ELP4: variants seen among roughly 807,000 people sequenced by gnomAD.
ELP4 encodes the protein elongator acetyltransferase complex subunit 4.
ELP4 carries 51 observed loss-of-function variants against 48.9 expected under a neutral mutation model. That is an observed-to-expected ratio of 1.04 (90% CI 0.83 to 1.32). The LOEUF is 1.32. ELP4 is among the 40% of genes most tolerant of loss of function. The pLI is 0.00. For missense variants in ELP4, 519 were observed against 514.6 expected (o/e 1.01, Z -0.08); for synonymous variants, 210 against 189.2 (o/e 1.11, Z -0.90).
intron 3 of ELP4, among the ~76,000 whole-genome samples, chr11:31,568,445 T>C (rs1554961043): frequency 6.6e-6 from 1 of 152,140 alleles, no homozygotes; most frequent in Non-Finnish European, 1.5e-5. Flanking sequence ...TATTCTGAAA[T>C]GTATATGGAA....
chr11:31,776,185 A>T lies in ELP4; in HGVS notation c.1144-7208A>T, dbSNP rs781422383. Reference sequence around the variant, plus strand: ...AAAAAAAAAAAAAAAAGAGTATGGGATCTAGAAGCACATCTCCCTTAGCCC... The same window carrying T: ...AAAAAAAAAAAAAAAAGAGTATGGGTTCTAGAAGCACATCTCCCTTAGCCC... On this transcript the variant is annotated intron_variant, in intron 9 of 9. Transcript: ENST00000640961. Among the ~76,000 whole-genome samples the T allele has an allele frequency of 7.9e-4, 115 of 144,820 alleles. 1 individual carries two copies. Among genetic ancestry groups the T allele is most frequent in the Non-Finnish European group, 1.4e-3 (96 of 66,438 alleles).
chr11:31,668,485 A>G (rs868532644), intron 9 of ELP4, among the ~76,000 whole-genome samples: 5 of 151,046 alleles, frequency 3.3e-5, no homozygotes, highest in African/African-American at 1.2e-4. Flanking sequence ...ATGTGTTGTA[A>G]TTCTTTTTTT....
rs773196640 is a variant in ELP4 at position 31,591,323 on chromosome 11, A to G, written c.382-3447A>G. 2.7e-5 allele frequency among the ~76,000 whole-genome samples: 4 copies of G among 145,646 alleles called. No homozygotes were observed. The East Asian group carries it at 8.6e-4, about 31-fold the overall frequency. ...CAGGAGGCTGAGGCAAGAGAATGGC[A>G]TGAACCCGAGAGGTGGAGCTTGCAG... On this transcript the variant is annotated intron_variant, in intron 3 of 9. Coordinates refer to ENST00000640961, the MANE Select transcript of ELP4 (RefSeq NM_019040.5).
intron 9 of ELP4, among the ~76,000 whole-genome samples, chr11:31,775,960 G>T (rs187377156): frequency 6.6e-6 from 1 of 151,738 alleles, no homozygotes; most frequent in Non-Finnish European, 1.5e-5. Flanking sequence ...GTGAGACTTC[G>T]TCTCAAAAAA....
chr11:31,587,351 G>C (rs1052936636), intron 3 of ELP4, among the ~76,000 whole-genome samples: 3 of 152,164 alleles, frequency 2.0e-5, no homozygotes, highest in African/African-American at 7.2e-5. Flanking sequence ...CAGCACTGAA[G>C]TAATAGGGGG....
intron 9 of ELP4, among the ~76,000 whole-genome samples, chr11:31,747,521 A>C (rs1947623703): frequency 6.6e-6 from 1 of 152,194 alleles, no homozygotes; most frequent in Non-Finnish European, 1.5e-5. Context: ...AAATGTGTAG[A>C]ATACATTTGA....
intron 9 of ELP4, among the ~76,000 whole-genome samples, chr11:31,750,277 G>C (rs1422727620): frequency 6.6e-6 from 1 of 152,168 alleles, no homozygotes; most frequent in Non-Finnish European, 1.5e-5. Context: ...GTACAGATTG[G>C]TAATGGAAAT....
intron 3 of ELP4, among the ~76,000 whole-genome samples, chr11:31,552,775 C>A (rs565681197): frequency 2.0e-5 from 3 of 152,202 alleles, no homozygotes; most frequent in South Asian, 2.1e-4. Context: ...TCAAAACTCT[C>A]CAGAAGACAA....
chr11:31,589,012 T>C (rs926057146), intron 3 of ELP4, among the ~76,000 whole-genome samples: 2 of 151,876 alleles, frequency 1.3e-5, no homozygotes, highest in Non-Finnish European at 1.5e-5. Context: ...AAAAAACAAA[T>C]AACATATTAA....
chr11:31,707,249 A>G (rs976982848), intron 9 of ELP4: 1 of 359,590 alleles, frequency 2.8e-6, no homozygotes, highest in Non-Finnish European at 4.9e-6. Context: ...TCATGTAAGT[A>G]TATATATGAA....
At position 31,783,683 on chromosome 11, in the gene ELP4, C is replaced by G; in HGVS notation, c.*159C>G. ...CCATTTCTCATTTTTTAACTTTTTA[C>G]AGAACTAGCACAGCAGAAATACTTT... On this transcript the variant is annotated 3_prime_UTR_variant, in exon 10 of 10. Transcript: ENST00000640961. 1.5e-6 allele frequency: 1 copy of G among 652,552 alleles called. No individual in the cohort carries two copies. The highest frequency in any genetic ancestry group is 2.5e-6 in the Non-Finnish European group (1 of 399,176). The allele number at this position is 652,552 out of a possible 1,614,324, so 40.4% of individuals were successfully genotyped here.
At chr11:31,650,712 A>G (rs1411749070) in intron 9 of ELP4, 1 of 151,904 alleles carries the variant, frequency 6.6e-6, no homozygotes, top group Non-Finnish European at 1.5e-5. Context: ...ATTTTCTAAG[A>G]CACTACAACT....
intron 4 of ELP4, chr11:31,600,365 A>G (rs889009237): frequency 2.6e-5 from 4 of 152,148 alleles, no homozygotes; most frequent in Non-Finnish European, 5.9e-5. Flanking sequence ...GTAGAGCTCT[A>G]ATACCATGAC....
Position 31,510,009 on chromosome 11 carries a change from T to C in ELP4, c.223+2T>C. On this transcript the variant is annotated splice_donor_variant, in intron 1 of 9. Transcript: ENST00000640961. LOFTEE classifies it high-confidence loss of function. ...TCCCAGCCCTAGACCAGCTCTTAGG[T>C]CGGTTCAGAGCGGAGATCTGGGCTC... is the stretch of plus-strand genomic sequence containing the variant. 1 of 1,610,356 alleles carries C rather than the reference T, an allele frequency of 6.2e-7. No individual in the cohort carries two copies. Among genetic ancestry groups the C allele is most frequent in the Non-Finnish European group, 8.5e-7 (1 of 1,179,268 alleles).
chr11:31,733,476 CAAAAAAA>C (rs59733716), intron 9 of ELP4, among the ~76,000 whole-genome samples: 2 of 70,050 alleles, frequency 2.9e-5, no homozygotes, highest in South Asian at 5.8e-4. Context: ...GACTCCATCT[CAAAAAAA>C]AAAAAAAAAA....
At chr11:31,652,621 A>T (rs959729780) in intron 9 of ELP4, 2 of 151,762 alleles carry the variant, frequency 1.3e-5, no homozygotes, top group Non-Finnish European at 2.9e-5. Context: ...TTAAAAATAA[A>T]ATGTAACCTT....
At chr11:31,548,734 T>A (rs1956781335) in intron 3 of ELP4, among the ~76,000 whole-genome samples, 1 of 152,188 alleles carries the variant, frequency 6.6e-6, no homozygotes, top group South Asian at 2.1e-4. Flanking sequence ...GACTTCAAAC[T>A]ATACTACAAG....
At chr11:31,747,670 GGAGAGACAT>G (rs1298329533) in intron 9 of ELP4, among the ~76,000 whole-genome samples, 1 of 152,178 alleles carries the variant, frequency 6.6e-6, no homozygotes, top group African/African-American at 2.4e-5. Context: ...CTACCACTCT[GGAGAGACAT>G]GACATCAGTA....
intron 9 of ELP4, among the ~76,000 whole-genome samples, chr11:31,706,572 TTAA>T (rs1206799672): frequency 2.0e-5 from 3 of 147,984 alleles, no homozygotes; most frequent in South Asian, 2.1e-4. Context: ...ATTAATATAA[TTAA>T]TAATTAATGA....
Sources: gnomAD v4.1 joint callset for allele counts (sites outside exome capture counted in the v4.1 genomes callset) on GRCh38, gnomAD v4.1.1 for gene constraint, MANE v1.5 for transcripts, NCBI Gene and HGNC (gene_info 2026-07-23, HGNC 2026-07-21) for gene names.